ATP9B: variants seen among roughly 807,000 people sequenced by gnomAD.
The protein encoded by ATP9B is probable phospholipid-transporting ATPase IIB.
In ATP9B, 110 loss-of-function variants were observed where a neutral mutation model predicts 146.1. That is an observed-to-expected ratio of 0.75 (90% CI 0.65 to 0.88). ATP9B has a LOEUF of 0.88. ATP9B is among the 40% of genes least tolerant of loss of function. The probability of loss-of-function intolerance (pLI) is 0.00; values close to 1 mark genes in which losing one functional copy is unlikely to be tolerated. For missense variants in ATP9B, 1,499 were observed against 1,496.4 expected, an observed-to-expected ratio of 1.00 and a Z score of -0.03; for synonymous variants, 604 against 569.7, an observed-to-expected ratio of 1.06 and a Z score of -0.86.
intron 5 of ATP9B, among the ~76,000 whole-genome samples, chr18:79,143,144 T>C (rs1278744843): frequency 6.6e-6 from 1 of 152,146 alleles, no homozygotes; most frequent in African/African-American, 2.4e-5. Context: ...TTTGCCTGTT[T>C]TGTTACGTGT....
At position 79,253,485 on chromosome 18, in the gene ATP9B, A is replaced by G. The variant is rs141210407; in HGVS notation, c.1212A>G (p.Pro404=). ...VMVTLQGFVG[P]WYRNLFRFLL... ...TAACCTTACAAGGATTTGTGGGTCC[A>G]TGGTACCGCAATCTTTTTCGGTTCC... Residue 404 remains proline, a synonymous_variant, in exon 12 of 30, where the codon CCA becomes CCG. Transcript: ENST00000426216. 18 of 1,612,094 alleles carry G rather than the reference A, an allele frequency of 1.1e-5. No homozygotes were observed. Among genetic ancestry groups the G allele is most frequent in the South Asian group, 3.3e-5 (3 of 90,476 alleles).
intron 8 of ATP9B, among the ~76,000 whole-genome samples, chr18:79,190,116 G>T (rs1452343733): frequency 6.6e-6 from 1 of 152,140 alleles, no homozygotes; most frequent in African/African-American, 2.4e-5. Flanking sequence ...TGCAGTTAGG[G>T]TTTGATACTG....
At chr18:79,328,237 G>A (rs564231427) in intron 15 of ATP9B, among the ~76,000 whole-genome samples, 9 of 152,324 alleles carry the variant, frequency 5.9e-5, no homozygotes, top group African/African-American at 2.2e-4. Context: ...GCCTTTAGCT[G>A]CATAATAGGA....
chr18:79,126,901 G>A (rs551524894), intron 5 of ATP9B, among the ~76,000 whole-genome samples: 11 of 151,168 alleles, frequency 7.3e-5, no homozygotes, highest in South Asian at 2.1e-4. Context: ...TCCTTCAAGC[G>A]CTTGTTTATT....
intron 7 of ATP9B, among the ~76,000 whole-genome samples, chr18:79,171,170 C>CT (rs1334691284): frequency 1.3e-5 from 2 of 152,006 alleles, no homozygotes; most frequent in Non-Finnish European, 2.9e-5. Context: ...CTTGATAGAG[C>CT]TTTTTTATTA....
intron 2 of ATP9B, among the ~76,000 whole-genome samples, chr18:79,098,880 A>G (rs1017432313): frequency 6.6e-6 from 1 of 152,166 alleles, no homozygotes; most frequent in African/African-American, 2.4e-5. Context: ...GACATTTTTG[A>G]AGAATGAACA....
chr18:79,095,084 C>T (rs902399435), intron 1 of ATP9B, among the ~76,000 whole-genome samples: 6 of 152,166 alleles, frequency 3.9e-5, no homozygotes, highest in Non-Finnish European at 7.4e-5. Flanking sequence ...TGACCTATCT[C>T]TAAATTGCAC....
rs1306517652 is a variant in ATP9B, at chr18:79,282,286, A to G, written c.1411+5090A>G. Among the ~76,000 whole-genome samples the G allele has an allele frequency of 5.3e-5, 8 of 152,232 alleles. No individual in the cohort carries two copies. In the South Asian group the frequency reaches 8.3e-4, roughly 16 times the overall value. ...CTAAGTTGATAAAGCAGGGTCTGAGAGCATCGACTTCAGTTTCAAATGAAG... is the reference window on the plus strand; with the variant it reads ...CTAAGTTGATAAAGCAGGGTCTGAGGGCATCGACTTCAGTTTCAAATGAAG... On this transcript the variant is annotated intron_variant, in intron 13 of 29. Coordinates refer to ENST00000426216, the MANE Select transcript of ATP9B (RefSeq NM_198531.5).
At chr18:79,197,708 A>G (rs953781275) in intron 9 of ATP9B, among the ~76,000 whole-genome samples, 1 of 152,182 alleles carries the variant, frequency 6.6e-6, no homozygotes, top group African/African-American at 2.4e-5. Context: ...TTCCCCTGAA[A>G]AAAGACAGGT....
chr18:79,264,949 G>A (rs2096186750), intron 12 of ATP9B, among the ~76,000 whole-genome samples: 1 of 152,094 alleles, frequency 6.6e-6, no homozygotes, highest in South Asian at 2.1e-4. Context: ...CTCATGTGCA[G>A]GTTTGTGATA....
chr18:79,373,927 C>G lies in ATP9B; in HGVS notation c.3100C>G (p.Leu1034Val). ...GGILMYGALV[L>V]FESEFVHVVA... ...CATCCTCATGTATGGGGCCCTGGTGCTCTTCGAGTCTGAGTTCGTCCACGT... is the reference window on the plus strand; with the variant it reads ...CATCCTCATGTATGGGGCCCTGGTGGTCTTCGAGTCTGAGTTCGTCCACGT... Residue 1034 changes from leucine (L) to valine (V), a missense_variant, in exon 28 of 30, where the codon CTC becomes GTC. Physicochemically the swap from Leu to Val is conservative, Grantham distance 32 (BLOSUM62 1). Coordinates refer to ENST00000426216, the MANE Select transcript of ATP9B (RefSeq NM_198531.5). 6.2e-7 allele frequency: 1 copy of G among 1,613,312 alleles called. No individual in the cohort carries two copies. Among genetic ancestry groups the G allele is most frequent in the Non-Finnish European group, 8.5e-7 (1 of 1,180,018 alleles).
At chr18:79,123,698 A>G (rs1313781865) in intron 4 of ATP9B, among the ~76,000 whole-genome samples, 1 of 152,214 alleles carries the variant, frequency 6.6e-6, no homozygotes, top group African/African-American at 2.4e-5. Flanking sequence ...TGATCAAGAC[A>G]GTATGGTACT....
intron 11 of ATP9B, among the ~76,000 whole-genome samples, chr18:79,251,631 AT>A (rs997301024): frequency 1.3e-5 from 2 of 152,222 alleles, no homozygotes; most frequent in Non-Finnish European, 2.9e-5. Context: ...TTTTTGCTTG[AT>A]AACTGCAGGT....
At chr18:79,082,436 T>G (rs2073365628) in intron 1 of ATP9B, among the ~76,000 whole-genome samples, 1 of 152,206 alleles carries the variant, frequency 6.6e-6, no homozygotes, top group Non-Finnish European at 1.5e-5. Flanking sequence ...CTGTCCAGTT[T>G]TGTTCTCTTG....
chr18:79,286,414 CTGTT>C (rs1365720272), intron 13 of ATP9B, among the ~76,000 whole-genome samples: 5 of 150,506 alleles, frequency 3.3e-5, no homozygotes, highest in South Asian at 4.2e-4. Context: ...ATTTGGCTCT[CTGTT>C]TGTCTGTTAT....
chr18:79,092,097 T>A lies in ATP9B; in HGVS notation c.120-4379T>A, dbSNP rs116726381. ...CTAGTGTTTGCATTATATATAGTCATGTGTTGTTGAAGGATGGGGTGTGAT... is the reference window on the plus strand; with the variant it reads ...CTAGTGTTTGCATTATATATAGTCAAGTGTTGTTGAAGGATGGGGTGTGAT... On this transcript the variant is annotated intron_variant, in intron 1 of 29. Coordinates refer to ENST00000426216, the MANE Select transcript of ATP9B (RefSeq NM_198531.5). Among the ~76,000 whole-genome samples the A allele has an allele frequency of 4.9e-3, 743 of 152,322 alleles. 5 individuals are homozygous for A. The highest frequency in any genetic ancestry group is 0.025 in the South Asian group (119 of 4,826).
intron 1 of ATP9B, among the ~76,000 whole-genome samples, chr18:79,074,645 G>C (rs1334870033): frequency 6.6e-6 from 1 of 152,228 alleles, no homozygotes; most frequent in African/African-American, 2.4e-5. Flanking sequence ...CCCCTGATGG[G>C]AGAGGGGAGC....
At chr18:79,130,688 C>T (rs1334362684) in intron 5 of ATP9B, among the ~76,000 whole-genome samples, 2 of 151,990 alleles carry the variant, frequency 1.3e-5, no homozygotes, top group Non-Finnish European at 2.9e-5. Flanking sequence ...ACCAAGAGGA[C>T]ACCCTGAAAG....
intron 9 of ATP9B, among the ~76,000 whole-genome samples, chr18:79,200,779 A>AGGTGGAGGTGGGGACTGTGGGGGTCAG (rs2095475928): frequency 3.5e-5 from 1 of 28,514 alleles, no homozygotes; most frequent in African/African-American, 1.4e-4. Context: ...GTCAGAGCAG[A>AGGTGGAGGTGGGGACTGTGGGGGTCAG]AGTAGTGGTG....
Sources: allele counts gnomAD v4.1 joint callset (sites outside exome capture counted in the v4.1 genomes callset), GRCh38; gene constraint gnomAD v4.1.1; transcripts MANE v1.5; gene names NCBI Gene and HGNC (gene_info 2026-07-23, HGNC 2026-07-21).